FAIM2: variants seen among roughly 807,000 people sequenced by gnomAD.
The protein encoded by FAIM2 is protein lifeguard 2.
In FAIM2, 27 loss-of-function variants were observed where a neutral mutation model predicts 47.4. That is an observed-to-expected ratio of 0.57 (90% confidence interval 0.42 to 0.78). The LOEUF (loss-of-function observed/expected upper bound fraction) is 0.78. Ranked by LOEUF, FAIM2 falls within the 30% of genes least tolerant of loss-of-function variation. The pLI is 0.00. For synonymous variants in FAIM2, 156 were observed against 159.3 expected (o/e 0.98, Z 0.16); for missense variants, 311 against 389.4 (o/e 0.80, Z 1.69).
At chr12:49,903,638 T>C in intron 1 of FAIM2, 140 bp downstream of exon 1, 1 of 1,171,582 alleles carries the variant, frequency 8.5e-7, no homozygotes, top group Non-Finnish European at 1.2e-6. Context: ...TTCGGTCCTC[T>C]GACTTCAGCA....
chr12:49,867,098 G>A lies in FAIM2; in HGVS notation c.*3406C>T, dbSNP rs1165984726. On this transcript the variant is annotated 3_prime_UTR_variant, in exon 12 of 12. Transcript: ENST00000320634. ...CAGGGACTCAGGAGAACGGCTCAGG[G>A]AGGGCTTGGGAGGGGGTACACTGTG... The A allele has an allele frequency of 1.3e-5, 2 of 152,194 alleles. No homozygotes were observed. The highest frequency in any genetic ancestry group is 2.9e-5 in the Non-Finnish European group (2 of 68,092). 9.4% of individuals were successfully genotyped at this position (152,194 alleles called of 1,614,324 possible).
intron 5 of FAIM2, among the ~76,000 whole-genome samples, chr12:49,893,615 G>A (rs569734700): frequency 2.3e-4 from 35 of 152,346 alleles, no homozygotes; most frequent in African/African-American, 8.4e-4. Flanking sequence ...AACAAGAGAT[G>A]CAGGAGTTGA....
rs1473445841 is a variant in FAIM2, at chr12:49,869,109, G to A, written c.*1395C>T. Reference sequence around the variant, plus strand: ...CCACACAGTAACTTTCCACTGGCCTGGAGTTGGCCACTGCACATGCTGGCT... The same window carrying A: ...CCACACAGTAACTTTCCACTGGCCTAGAGTTGGCCACTGCACATGCTGGCT... On this transcript the variant is annotated 3_prime_UTR_variant, in exon 12 of 12. Coordinates refer to ENST00000320634, the MANE Select transcript of FAIM2 (RefSeq NM_012306.4). 1 of 152,536 alleles carries A rather than the reference G, an allele frequency of 6.6e-6. No individual in the cohort carries two copies. The highest frequency in any genetic ancestry group is 1.5e-5 in the Non-Finnish European group (1 of 68,252). The allele number at this position is 152,536 out of a possible 1,614,324, so 9.4% of individuals were successfully genotyped here.
chr12:49,877,950 GTA>G (rs1946749806), intron 11 of FAIM2, among the ~76,000 whole-genome samples: 1 of 149,294 alleles, frequency 6.7e-6, no homozygotes, highest in Non-Finnish European at 1.5e-5. Context: ...GTATATGTGC[GTA>G]TGTGTGTGTA....
At chr12:49,892,359 C>T (rs1230568589) in intron 5 of FAIM2, among the ~76,000 whole-genome samples, 1 of 152,136 alleles carries the variant, frequency 6.6e-6, no homozygotes, top group African/African-American at 2.4e-5. Context: ...AACACCTTCC[C>T]TGGCTCCAGC....
intron 4 of FAIM2, 138 bp from the exon 5 acceptor site, chr12:49,897,222 G>A (rs1565619854): frequency 5.2e-6 from 4 of 775,020 alleles, no homozygotes; most frequent in Non-Finnish European, 6.7e-6. Flanking sequence ...GAGGCTCGGG[G>A]AGTCCCAGCC....
rs995621889 is a variant in FAIM2 at position 49,870,171 on chromosome 12, G to A, written c.*333C>T. Reference sequence around the variant, plus strand: ...GGCTCAGGGCTCTGCCGGGCTTCCTGGGTCTCTCTCCTGCATCTGAAATCC... The same window carrying A: ...GGCTCAGGGCTCTGCCGGGCTTCCTAGGTCTCTCTCCTGCATCTGAAATCC... On this transcript the variant is annotated 3_prime_UTR_variant, in exon 12 of 12. Coordinates refer to ENST00000320634, the MANE Select transcript of FAIM2 (RefSeq NM_012306.4). 4.1e-6 allele frequency: 1 copy of A among 246,820 alleles called. No individual in the cohort carries two copies. The highest frequency in any genetic ancestry group is 5.0e-5 in the Admixed American group (1 of 19,836). The allele number at this position is 246,820 out of a possible 1,614,324, so 15.3% of individuals were successfully genotyped here.
chr12:49,879,041 TGA>T lies in FAIM2; in HGVS notation c.801+8343_801+8344del, dbSNP rs548744863. 8.9e-5 allele frequency among the ~76,000 whole-genome samples: 12 copies of T among 135,128 alleles called. 2 individuals are homozygous for T. The highest frequency in any genetic ancestry group is 3.5e-3 in the Middle Eastern group (1 of 282). 88.6% of individuals were successfully genotyped at this position (135,128 alleles called of 152,430 possible). ...ATGTGTATGTGTGTGTCTGTGTGCA[TGA>T]GTTTGTGTATGTGCATGTATGTATA... On this transcript the variant is annotated intron_variant, in intron 11 of 11. Coordinates refer to ENST00000320634, the MANE Select transcript of FAIM2 (RefSeq NM_012306.4).
intron 8 of FAIM2, among the ~76,000 whole-genome samples, 159 bp downstream of exon 8, chr12:49,889,958 C>A (rs1449184809): frequency 6.6e-6 from 1 of 152,112 alleles, no homozygotes; most frequent in Non-Finnish European, 1.5e-5. Flanking sequence ...CAGCTGAGTG[C>A]TCAAGCAGAG....
chr12:49,879,485 TGA>T (rs1165550561), intron 11 of FAIM2, among the ~76,000 whole-genome samples: 3 of 10,020 alleles, frequency 3.0e-4, no homozygotes, highest in African/African-American at 1.0e-3. Flanking sequence ...TATGTGCATG[TGA>T]GTGTATGTGT....
chr12:49,877,156 T>A (rs771408757), intron 11 of FAIM2, among the ~76,000 whole-genome samples: 1 of 152,130 alleles, frequency 6.6e-6, no homozygotes, highest in Non-Finnish European at 1.5e-5. Context: ...TGCCTCTGCC[T>A]CCCCTCCCTC....
intron 5 of FAIM2, among the ~76,000 whole-genome samples, chr12:49,895,747 A>G (rs905396610): frequency 2.0e-5 from 3 of 152,142 alleles, no homozygotes; most frequent in African/African-American, 4.8e-5. Flanking sequence ...CCCATCTCTG[A>G]GGCTACTCTG....
At chr12:49,880,678 ATG>A (rs1946815875) in intron 11 of FAIM2, among the ~76,000 whole-genome samples, 1 of 149,492 alleles carries the variant, frequency 6.7e-6, no homozygotes, top group Admixed American at 6.6e-5. Context: ...GCGTGTCTAT[ATG>A]TGCATGTGTA....
chr12:49,878,924 GTA>G (rs1485660317), intron 11 of FAIM2, among the ~76,000 whole-genome samples: 2 of 136,200 alleles, frequency 1.5e-5, no homozygotes, highest in Non-Finnish European at 3.1e-5. Context: ...GTGCATGTGT[GTA>G]TATGTGCATG....
Position 49,897,053 on chromosome 12 carries a change from G to A in FAIM2, c.412C>T (p.Pro138Ser). The A allele has an allele frequency of 1.2e-6, 2 of 1,613,768 alleles. No homozygotes were observed. Among genetic ancestry groups the A allele is most frequent in the Non-Finnish European group, 8.5e-7 (1 of 1,179,646 alleles). ...CACTAGGATGCCCAGTACCAGCCTG[G>A]GTTGGCCTGGACATAGTCCTTGACA... The part of the protein sequence containing the change: ...DPVKDYVQAN[P>S]GWYWASYAVF... The change falls in exon 5 of 12, where the codon CCA becomes TCA. Residue 138 changes from proline to serine, a missense_variant. Coordinates refer to ENST00000320634, the MANE Select transcript of FAIM2 (RefSeq NM_012306.4).
intron 11 of FAIM2, among the ~76,000 whole-genome samples, chr12:49,878,390 G>GTGTGTGTGTGCA (rs1946759549): frequency 3.0e-5 from 1 of 32,804 alleles, no homozygotes; most frequent in African/African-American, 1.7e-4. Flanking sequence ...GTGTGTATAT[G>GTGTGTGTGTGCA]TGTGTGTCTG....
In FAIM2 at chr12:49,878,326, T is replaced by G. The variant is rs1439858700; in HGVS notation, c.802-7673A>C. Among the ~76,000 whole-genome samples, 3 of 116,782 alleles carry G rather than the reference T, an allele frequency of 2.6e-5. 1 individual carries two copies. The highest frequency in any genetic ancestry group is 1.0e-4 in the African/African-American group (3 of 29,908). The allele number at this position is 116,782 out of a possible 152,430, so 76.6% of individuals were successfully genotyped here. A position where few individuals can be genotyped will look rare whatever the true frequency, so the allele number is the denominator to read the frequency against. ...TATGTGCATGCGTGTATATGTGTATTTGTGTGCATGTGAGTGTATGTGTGT... is the reference window on the plus strand; with the variant it reads ...TATGTGCATGCGTGTATATGTGTATGTGTGTGCATGTGAGTGTATGTGTGT... On this transcript the variant is annotated intron_variant, in intron 11 of 11. Transcript: ENST00000320634.
chr12:49,868,762 G>A lies in FAIM2; in HGVS notation c.*1742C>T, dbSNP rs1946681216. 1 of 152,214 alleles carries A rather than the reference G, an allele frequency of 6.6e-6. No individual in the cohort carries two copies. The highest frequency in any genetic ancestry group is 2.1e-4 in the South Asian group (1 of 4,834). 9.4% of individuals were successfully genotyped at this position (152,214 alleles called of 1,614,324 possible). ...CATGAGCAGAGCGCTGTCTCTGGAG[G>A]ATCACTGCGATGGATTAATTTAGAC... On this transcript the variant is annotated 3_prime_UTR_variant, in exon 12 of 12. Coordinates refer to ENST00000320634, the MANE Select transcript of FAIM2 (RefSeq NM_012306.4).
chr12:49,876,829 G>A (rs1289807410), intron 11 of FAIM2, among the ~76,000 whole-genome samples: 1 of 152,158 alleles, frequency 6.6e-6, no homozygotes, highest in Admixed American at 6.6e-5. Flanking sequence ...CAAGTGTGAG[G>A]AGGCTGTTTT....
Sources: gnomAD v4.1 joint callset for allele counts (sites outside exome capture counted in the v4.1 genomes callset) on GRCh38, gnomAD v4.1.1 for gene constraint, MANE v1.5 for transcripts, NCBI Gene and HGNC (gene_info 2026-07-23, HGNC 2026-07-21) for gene names.